The following NUBPL variants were observed in gnomAD, a reference collection of about 807,000 sequenced individuals.
NUBPL encodes the protein NUBP iron-sulfur cluster assembly factor, mitochondrial, also known as iron-sulfur cluster transfer protein NUBPL.
Under a neutral mutation model 45.7 loss-of-function variants are expected in NUBPL, and 31 were observed. That is an observed-to-expected ratio of 0.68 (90% CI 0.51 to 0.92). NUBPL has a LOEUF of 0.92. NUBPL is among the 40% of genes least tolerant of loss of function. The pLI is 0.00. For missense variants in NUBPL, 401 were observed against 398.7 expected (o/e 1.01, Z -0.05); for synonymous variants, 144 against 140.9 (o/e 1.02, Z -0.15).
At chr14:31,669,002 C>A (rs1305716203) in intron 4 of NUBPL, among the ~76,000 whole-genome samples, 2 of 152,032 alleles carry the variant, frequency 1.3e-5, no homozygotes, top group Non-Finnish European at 2.9e-5. Flanking sequence ...TTGCCCTGCT[C>A]CTTATTTATT....
intron 4 of NUBPL, among the ~76,000 whole-genome samples, chr14:31,656,186 A>G (rs1306284461): frequency 6.6e-6 from 1 of 152,098 alleles, no homozygotes; most frequent in Admixed American, 6.5e-5. Context: ...AGAATTGAAG[A>G]GAGTTAGGGC....
intron 6 of NUBPL, among the ~76,000 whole-genome samples, chr14:31,689,929 ATTGT>A (rs1384566666): frequency 6.5e-5 from 1 of 15,292 alleles, no homozygotes; most frequent in African/African-American, 2.6e-4. Flanking sequence ...TCCTTTCCCC[ATTGT>A]TTTTTTTTTT....
At chr14:31,566,517 T>C (rs759050111) in intron 3 of NUBPL, among the ~76,000 whole-genome samples, 5 of 152,068 alleles carry the variant, frequency 3.3e-5, no homozygotes, top group Non-Finnish European at 7.4e-5. Flanking sequence ...TCCCATCTTA[T>C]CCTCTTTCTT....
intron 6 of NUBPL, among the ~76,000 whole-genome samples, chr14:31,690,120 T>C (rs912911096): frequency 2.0e-5 from 3 of 151,972 alleles, no homozygotes; most frequent in African/African-American, 4.8e-5. Context: ...AGGACACTTA[T>C]TAGTAAGGAA....
chr14:31,613,258 T>G (rs548633217), intron 4 of NUBPL, among the ~76,000 whole-genome samples: 2 of 152,070 alleles, frequency 1.3e-5, no homozygotes, highest in Non-Finnish European at 2.9e-5. Flanking sequence ...ATTGAACTCA[T>G]GGACAGAGAG....
intron 7 of NUBPL, among the ~76,000 whole-genome samples, chr14:31,811,600 T>C (rs2039806968): frequency 6.6e-6 from 1 of 152,254 alleles, no homozygotes; most frequent in South Asian, 2.1e-4. Flanking sequence ...TATTACTGAC[T>C]TTCTGAAGCC....
At chr14:31,581,461 G>A (rs965578902) in intron 3 of NUBPL, among the ~76,000 whole-genome samples, 6 of 152,040 alleles carry the variant, frequency 3.9e-5, no homozygotes, top group South Asian at 2.1e-4. Context: ...GTTCCAACTC[G>A]TATAAGTGGA....
chr14:31,792,090 G>C (rs1442698568), intron 7 of NUBPL, among the ~76,000 whole-genome samples: 1 of 152,174 alleles, frequency 6.6e-6, no homozygotes, highest in Non-Finnish European at 1.5e-5. Flanking sequence ...TTTTGACAGA[G>C]TTTAAAGCTT....
intron 6 of NUBPL, among the ~76,000 whole-genome samples, chr14:31,774,012 A>G (rs2039055776): frequency 6.6e-6 from 1 of 152,172 alleles, no homozygotes; most frequent in Non-Finnish European, 1.5e-5. Flanking sequence ...AAACCAATCT[A>G]GATCTCTTTT....
intron 7 of NUBPL, among the ~76,000 whole-genome samples, chr14:31,822,051 G>A (rs911441516): frequency 1.3e-5 from 2 of 152,046 alleles, no homozygotes; most frequent in African/African-American, 4.8e-5. Flanking sequence ...TAGTGGGGTC[G>A]GGAGGAGATG....
chr14:31,636,417 A>G (rs972675352), intron 4 of NUBPL, among the ~76,000 whole-genome samples: 7 of 152,246 alleles, frequency 4.6e-5, no homozygotes, highest in South Asian at 2.1e-4. Context: ...ATATTGAACC[A>G]GCTTTGCATC....
At chr14:31,736,649 G>C (rs1016923373) in intron 6 of NUBPL, among the ~76,000 whole-genome samples, 38 of 152,244 alleles carry the variant, frequency 2.5e-4, no homozygotes, top group Non-Finnish European at 2.5e-4. Context: ...TTATGAATAA[G>C]CTGCCATAAA....
At chr14:31,628,614 T>A (rs1382773837) in intron 4 of NUBPL, among the ~76,000 whole-genome samples, 1 of 152,232 alleles carries the variant, frequency 6.6e-6, no homozygotes, top group Non-Finnish European at 1.5e-5. Context: ...AATACCCATG[T>A]CTGAATAGCC....
chr14:31,704,189 G>C (rs991182075), intron 6 of NUBPL, among the ~76,000 whole-genome samples: 1 of 152,150 alleles, frequency 6.6e-6, no homozygotes, highest in Non-Finnish European at 1.5e-5. Flanking sequence ...GACTCTTTGG[G>C]TGGTAAAAGC....
At chr14:31,707,963 G>C (rs1347546099) in intron 6 of NUBPL, among the ~76,000 whole-genome samples, 1 of 152,198 alleles carries the variant, frequency 6.6e-6, no homozygotes, top group Non-Finnish European at 1.5e-5. Flanking sequence ...GGGACATGTG[G>C]TCTGTGGGAT....
intron 6 of NUBPL, among the ~76,000 whole-genome samples, chr14:31,760,341 A>T (rs1468833567): frequency 6.6e-6 from 1 of 151,264 alleles, no homozygotes; most frequent in African/African-American, 2.4e-5. Context: ...TTTTATAGAG[A>T]TGGGGTTTTG....
intron 7 of NUBPL, among the ~76,000 whole-genome samples, chr14:31,808,202 A>G (rs1286936245): frequency 6.6e-6 from 1 of 152,140 alleles, no homozygotes; most frequent in Non-Finnish European, 1.5e-5. Flanking sequence ...GAATCTATAA[A>G]TTCCCTTGGG....
intron 7 of NUBPL, among the ~76,000 whole-genome samples, chr14:31,806,698 T>C (rs10132896): frequency 0.47 from 71,341 of 152,066 alleles, 18,537 homozygotes; most frequent in East Asian, 0.61. Flanking sequence ...TGTATACATG[T>C]GCCGTGTTGG....
chr14:31,733,703 T>A (rs1478222355), intron 6 of NUBPL, among the ~76,000 whole-genome samples: 2 of 152,228 alleles, frequency 1.3e-5, no homozygotes, highest in East Asian at 3.8e-4. Context: ...ATTTTCTGTA[T>A]ATGTAATCAT....
Sources: allele counts gnomAD v4.1 joint callset (sites outside exome capture counted in the v4.1 genomes callset), GRCh38; gene constraint gnomAD v4.1.1; transcripts MANE v1.5; gene names NCBI Gene and HGNC (gene_info 2026-07-23, HGNC 2026-07-21).